The following ACOX3 variants were observed in gnomAD, a reference collection of about 807,000 sequenced individuals.
ACOX3 encodes acyl-CoA oxidase 3, pristanoyl, also known as peroxisomal acyl-coenzyme A oxidase 3.
Under a neutral mutation model 81.5 loss-of-function variants are expected in ACOX3, and 73 were observed. The observed-to-expected ratio is 0.90, with a 90% confidence interval of 0.74 to 1.09. The LOEUF (loss-of-function observed/expected upper bound fraction) is 1.09, where lower values mean the gene tolerates loss of function less well. Ranked by LOEUF, ACOX3 falls within the 50% of genes least tolerant of loss-of-function variation. The pLI, the probability that ACOX3 is intolerant of heterozygous loss-of-function variation, is 0.00. For missense variants in ACOX3, 947 were observed against 928.0 expected, an observed-to-expected ratio of 1.02 and a Z score of -0.27; for synonymous variants, 387 against 375.1, an observed-to-expected ratio of 1.03 and a Z score of -0.37.
At chr4:8,376,275 A>G (rs1716948538) in intron 14 of ACOX3, among the ~76,000 whole-genome samples, 1 of 152,068 alleles carries the variant, frequency 6.6e-6, no homozygotes, top group African/African-American at 2.4e-5. Flanking sequence ...TCATCTTACC[A>G]GATTTTTTAA....
the ACOX3 span, chr4:8,356,530 T>C: frequency 1.6e-5 from 7 of 450,762 alleles, no homozygotes; most frequent in Non-Finnish European, 2.7e-5. Context: ...GAAAAAGATG[T>C]CCACAGAGTA....
chr4:8,434,026 C>A (rs1232494324), intron 1 of ACOX3, among the ~76,000 whole-genome samples: 1 of 149,996 alleles, frequency 6.7e-6, no homozygotes, highest in African/African-American at 2.4e-5. Context: ...ACCTTGGCAC[C>A]ACCACGTGGC....
At chr4:8,412,082 C>A (rs902469294) in intron 5 of ACOX3, among the ~76,000 whole-genome samples, 3 of 152,226 alleles carry the variant, frequency 2.0e-5, no homozygotes, top group South Asian at 2.1e-4. Flanking sequence ...TCAGAAAGGG[C>A]CCCACCTCCT....
At chr4:8,364,681 G>A (rs145689106), downstream of ACOX3, among the ~76,000 whole-genome samples, 323 of 152,368 alleles carry the variant, frequency 2.1e-3, no homozygotes, top group Non-Finnish European at 2.6e-3. The surrounding 1 kb of genome is among the most constrained non-coding windows in gnomAD (Gnocchi z 5.0). Context: ...ATATGACACC[G>A]AAGTCAAATG....
rs1379252320 is a variant in ACOX3, at chr4:8,394,727, G to A, written c.1072C>T (p.Pro358Ser). The change falls in exon 10 of 18, where the codon CCA becomes TCA. Residue 358 changes from proline (P) to serine (S), a missense_variant. Pro to Ser is a moderately conservative substitution (Grantham distance 74). Coordinates refer to ENST00000356406, the MANE Select transcript of ACOX3 (RefSeq NM_003501.3). The surrounding 1 kb of genome is among the most constrained non-coding windows in gnomAD (Gnocchi z 5.9). ...AAGGCGTAGACAGCTGCCAGATATG[G>A]AAGCAAGCGCCATTGCTAGAACAGA... Reference protein sequence around the residue: ...EYPMQQWRLLPYLAAVYALDH... With the variant: ...EYPMQQWRLLSYLAAVYALDH... 3.2e-5 allele frequency: 51 copies of A among 1,613,536 alleles called. No homozygotes were observed. The highest frequency in any genetic ancestry group is 4.2e-5 in the Non-Finnish European group (50 of 1,179,810).
intron 17 of ACOX3, among the ~76,000 whole-genome samples, chr4:8,367,806 C>CAAAAAAAAAAAAAAAA (rs535574857): frequency 1.1e-4 from 5 of 46,710 alleles, no homozygotes; most frequent in Admixed American, 3.8e-4. Flanking sequence ...CCCATCTTTA[C>CAAAAAAAAAAAAAAAA]AAAAAAAAAA....
chr4:8,366,842 C>G lies in ACOX3; in HGVS notation c.*119G>C. Reference sequence around the variant, plus strand: ...GAGGCCAATCAGCAGTTTAGGCGCACAGGTGCGGGCTCAGAAAGCAGCAGC... The same window carrying G: ...GAGGCCAATCAGCAGTTTAGGCGCAGAGGTGCGGGCTCAGAAAGCAGCAGC... On this transcript the variant is annotated 3_prime_UTR_variant, in exon 18 of 18. Transcript: ENST00000356406. 7.0e-7 allele frequency: 1 copy of G among 1,431,446 alleles called. No individual in the cohort carries two copies. The highest frequency in any genetic ancestry group is 2.4e-4 in the Middle Eastern group (1 of 4,248). The allele number at this position is 1,431,446 out of a possible 1,614,324, so 88.7% of individuals were successfully genotyped here. A position where few individuals can be genotyped will look rare whatever the true frequency, so the allele number is the denominator to read the frequency against.
chr4:8,424,681 C>T (rs1010459662), intron 1 of ACOX3, among the ~76,000 whole-genome samples: 3 of 152,218 alleles, frequency 2.0e-5, no homozygotes, highest in African/African-American at 7.2e-5. Context: ...GCCAGTGCTG[C>T]GACTGCGCAC....
At chr4:8,429,614 A>G (rs922086236) in intron 1 of ACOX3, among the ~76,000 whole-genome samples, 3 of 152,216 alleles carry the variant, frequency 2.0e-5, no homozygotes, top group African/African-American at 7.2e-5. Context: ...TGAAAGAGCG[A>G]AGATGGAGTC....
chr4:8,381,559 G>C lies in ACOX3; in HGVS notation c.1586C>G (p.Thr529Ser), dbSNP rs145548429. ...TTTCTCTTGGTTTAATTTTTGATAA[G>C]TCTCTCGGAGCAGGTAGCAAACCAG... ...KWLVCYLLRE[T>S]YQKLNQEKRS... The change falls in exon 14 of 18, where the codon ACT becomes AGT. Residue 529 changes from threonine (T) to serine (S), a missense_variant. Thr to Ser is a moderately conservative substitution (Grantham distance 58). Transcript: ENST00000356406. The surrounding 1 kb of genome is among the most constrained non-coding windows in gnomAD (Gnocchi z 4.3). The C allele has an allele frequency of 5.0e-6, 8 of 1,613,886 alleles. No individual in the cohort carries two copies. The Admixed American group carries it at 1.3e-4, about 27-fold the overall frequency.
intron 1 of ACOX3, among the ~76,000 whole-genome samples, chr4:8,424,725 A>C (rs62286054): frequency 0.027 from 4,128 of 152,354 alleles, 69 homozygotes; most frequent in South Asian, 0.04. Flanking sequence ...CATTTCTTCC[A>C]GACAATGAAG....
In ACOX3 at chr4:8,419,437, AAAAAAAAG is replaced by A. The variant is rs988771492; in HGVS notation, c.-14-2910_-14-2903del. Among the ~76,000 whole-genome samples the A allele has an allele frequency of 3.2e-3, 493 of 152,100 alleles. 5 individuals carry two copies. The highest frequency in any genetic ancestry group is 1.5e-3 in the East Asian group (8 of 5,186). Reference sequence around the variant, plus strand: ...TGACAGAGTGAAACTCTGTCTCAAAAAAAAAAAGAAAAAAAGAAAAAAGAAACAGAAAA... The same window carrying A: ...TGACAGAGTGAAACTCTGTCTCAAAAAAAAAAAGAAAAAAGAAACAGAAAA... On this transcript the variant is annotated intron_variant, in intron 1 of 17. Transcript: ENST00000356406. This position sits in a 1 kb window ranked among gnomAD's most constrained non-coding sequence, Gnocchi z 4.2.
chr4:8,438,141 C>T lies in ACOX3; in HGVS notation c.-15+2507G>A, dbSNP rs117201242. On this transcript the variant is annotated intron_variant, in intron 1 of 17. Transcript: ENST00000356406. ...ATGCTAGTGCTTGTTTGCACCTTTC[C>T]AGGGTAAGTTAAAGTTTTCCCCACC... Among the ~76,000 whole-genome samples, 10 of 152,286 alleles carry T rather than the reference C, an allele frequency of 6.6e-5. No individual in the cohort carries two copies. In the East Asian group the frequency reaches 1.7e-3, roughly 26 times the overall value.
chr4:8,403,772 G>C (rs985501127), intron 7 of ACOX3, among the ~76,000 whole-genome samples: 11 of 152,220 alleles, frequency 7.2e-5, no homozygotes, highest in African/African-American at 1.4e-4. Context: ...CGTTTATTAG[G>C]GGGGAACCAA....
At chr4:8,409,514 G>A (rs150809839) in intron 6 of ACOX3, among the ~76,000 whole-genome samples, 1,729 of 151,692 alleles carry the variant, frequency 0.011, 11 homozygotes, top group Admixed American at 0.016. Context: ...AGCTGTCTGT[G>A]CACTGCGGGT....
intron 17 of ACOX3, 34 bp from the exon 18 acceptor site, chr4:8,367,114 A>C: frequency 6.2e-7 from 1 of 1,603,750 alleles, no homozygotes; most frequent in South Asian, 1.1e-5. Flanking sequence ...AGTGAAGACA[A>C]AGAAATAAGA....
chr4:8,365,104 C>T (rs534623069), downstream of ACOX3, among the ~76,000 whole-genome samples: 1 of 152,358 alleles, frequency 6.6e-6, no homozygotes, highest in South Asian at 2.1e-4. Context: ...CCCCAGTTGA[C>T]AGCCCACGCA....
chr4:8,413,194 G>A (rs1578963560), intron 5 of ACOX3, among the ~76,000 whole-genome samples: 1 of 106,780 alleles, frequency 9.4e-6, no homozygotes, highest in Non-Finnish European at 1.9e-5. Context: ...CTCCACCCCT[G>A]CACCCCTCCA....
At chr4:8,375,448 T>C (rs1185978852) in intron 14 of ACOX3, among the ~76,000 whole-genome samples, 1 of 152,146 alleles carries the variant, frequency 6.6e-6, no homozygotes, top group Admixed American at 6.5e-5. Context: ...CAGCACTGCA[T>C]ACGGAGCCTG....
Sources: gnomAD v4.1 joint callset for allele counts (sites outside exome capture counted in the v4.1 genomes callset) on GRCh38, gnomAD v4.1.1 for gene constraint, Gnocchi (gnomAD v3.1) non-coding constraint, MANE v1.5 for transcripts, NCBI Gene and HGNC (gene_info 2026-07-23, HGNC 2026-07-21) for gene names.